Variants in SPNS3 observed in about 807,000 individuals in gnomAD.
The protein encoded by SPNS3 is SPNS lysolipid transporter 3, sphingosine-1-phosphate (putative).
In SPNS3, 51 loss-of-function variants were observed where a neutral mutation model predicts 54.4. The ratio of observed to expected loss-of-function variants is 0.94; its 90% CI spans 0.75 to 1.18. The LOEUF is 1.18. Ranked by LOEUF, SPNS3 falls within the 50% of genes most tolerant of loss-of-function variation. The pLI, the probability that SPNS3 is intolerant of heterozygous loss-of-function variation, is 0.00. For synonymous variants in SPNS3, 309 were observed against 294.7 expected (o/e 1.05, Z -0.50); for missense variants, 669 against 677.4 (o/e 0.99, Z 0.14).
intron 8 of SPNS3, among the ~76,000 whole-genome samples, chr17:4,474,716 G>A (rs1383572644): frequency 6.6e-6 from 1 of 152,194 alleles, no homozygotes. Flanking sequence ...GTGTATGTGT[G>A]TGTGTGTGAG....
chr17:4,477,531 T>C (rs1567574571), intron 8 of SPNS3, among the ~76,000 whole-genome samples: 1 of 152,186 alleles, frequency 6.6e-6, no homozygotes, highest in Non-Finnish European at 1.5e-5. Flanking sequence ...AAACTCTTCT[T>C]GAGTGAGGGG....
chr17:4,455,036 C>G (rs563876739), intron 8 of SPNS3, among the ~76,000 whole-genome samples: 2 of 152,204 alleles, frequency 1.3e-5, no homozygotes, highest in African/African-American at 4.8e-5. Context: ...GCCTTAGCCT[C>G]CCAAGTAGCT....
At chr17:4,446,833 T>G in intron 4 of SPNS3, 63 bp from the exon 5 acceptor site, 2 of 1,494,292 alleles carry the variant, frequency 1.3e-6, no homozygotes, top group Non-Finnish European at 1.9e-6. Context: ...GTCAGGCTGG[T>G]GGTGGGGTCT....
At chr17:4,476,723 C>T (rs1386970402) in intron 8 of SPNS3, among the ~76,000 whole-genome samples, 1 of 152,136 alleles carries the variant, frequency 6.6e-6, no homozygotes, top group Non-Finnish European at 1.5e-5. Flanking sequence ...GGCCCCATGT[C>T]CTAGGCCTGA....
chr17:4,460,228 G>A (rs1971459582), intron 8 of SPNS3, among the ~76,000 whole-genome samples: 1 of 152,102 alleles, frequency 6.6e-6, no homozygotes, highest in Admixed American at 6.6e-5. Flanking sequence ...TGTGGGCATT[G>A]GGTGAGATGG....
intron 4 of SPNS3, 45 bp from the exon 5 acceptor site, chr17:4,446,851 G>C: frequency 6.3e-7 from 1 of 1,587,772 alleles, no homozygotes; most frequent in Non-Finnish European, 8.6e-7. Flanking sequence ...TCTGCCTTCC[G>C]CCTCCCTCCC....
At chr17:4,443,418 G>C (rs1296058019) in intron 2 of SPNS3, among the ~76,000 whole-genome samples, 2 of 152,192 alleles carry the variant, frequency 1.3e-5, no homozygotes, top group Admixed American at 1.3e-4. Context: ...GCATAAACAA[G>C]ATATGAAATA....
At chr17:4,474,195 C>T (rs1216067563) in intron 8 of SPNS3, among the ~76,000 whole-genome samples, 1 of 152,242 alleles carries the variant, frequency 6.6e-6, no homozygotes, top group Non-Finnish European at 1.5e-5. Flanking sequence ...TGCCTCAGTC[C>T]CCACCTGCCT....
intron 7 of SPNS3, 31 bp from the exon 8 acceptor site, chr17:4,452,985 T>C: frequency 6.3e-7 from 1 of 1,599,430 alleles, no homozygotes; most frequent in East Asian, 2.2e-5. Context: ...CTCACCCAGC[T>C]GACCAACCCT....
At position 4,449,335 on chromosome 17, in the gene SPNS3, G is replaced by A. The variant is rs754598517; in HGVS notation, c.871G>A (p.Val291Ile). The change falls in exon 7 of 12, where the codon GTT (valine) becomes ATT (isoleucine). Residue 291 changes from valine (V) to isoleucine (I), a missense_variant. By Grantham distance (29) the Val-to-Ile change is conservative. Coordinates refer to ENST00000355530, the MANE Select transcript of SPNS3 (RefSeq NM_182538.5). ...CAAGTTTCTGCTCGAGGCACGCGTG[G>A]TTCACGGGCTGCAGCCTCCCTGCTT... is the stretch of plus-strand genomic sequence containing the variant. ...APKFLLEARV[V>I]HGLQPPCFQE... 34 of 1,610,862 alleles carry A rather than the reference G, an allele frequency of 2.1e-5. No homozygotes were observed. Among genetic ancestry groups the A allele is most frequent in the South Asian group, 1.5e-4 (14 of 90,986 alleles).
At chr17:4,481,737 A>C (rs1972155059) in intron 9 of SPNS3, among the ~76,000 whole-genome samples, 1 of 152,146 alleles carries the variant, frequency 6.6e-6, no homozygotes, top group Non-Finnish European at 1.5e-5. Flanking sequence ...TCACCTGTCC[A>C]GTAGGTAGAG....
chr17:4,443,648 A>G (rs2075336969), intron 2 of SPNS3, among the ~76,000 whole-genome samples: 1 of 152,246 alleles, frequency 6.6e-6, no homozygotes. Context: ...ACGAAGAGTT[A>G]AGGAATCTAC....
chr17:4,468,721 T>TTTTTTTCTTTCTTTC (rs1555531862), intron 8 of SPNS3, among the ~76,000 whole-genome samples: 1 of 121,372 alleles, frequency 8.2e-6, no homozygotes, highest in Non-Finnish European at 1.7e-5. Flanking sequence ...TCTCTCTTTC[T>TTTTTTTCTTTCTTTC]TTTCTTTCTT....
At chr17:4,476,661 G>A (rs1597339938) in intron 8 of SPNS3, among the ~76,000 whole-genome samples, 1 of 152,110 alleles carries the variant, frequency 6.6e-6, no homozygotes, top group Non-Finnish European at 1.5e-5. Flanking sequence ...CCCGGGCCCC[G>A]CCTGAGACCT....
rs1476553946 is a variant in SPNS3, at chr17:4,474,236, C to T, written c.1114-4336C>T. Among the ~76,000 whole-genome samples the T allele has an allele frequency of 2.6e-5, 4 of 152,356 alleles. No homozygotes were observed. In the Middle Eastern group the frequency reaches 0.01, roughly 389 times the overall value. On this transcript the variant is annotated intron_variant, in intron 8 of 11. Transcript: ENST00000355530. ...CTGGCTTGTTGGGCTGCTGCCGGCC[C>T]CTGGAAACCAGGCGGTGCCCTCGTG...
chr17:4,434,586 TC>T (rs1245067605), intron 1 of SPNS3, among the ~76,000 whole-genome samples: 1 of 151,954 alleles, frequency 6.6e-6, no homozygotes, highest in East Asian at 1.9e-4. Context: ...AACCTCTGTC[TC>T]CCAGGTTCAA....
chr17:4,486,954 A>T lies in SPNS3; in HGVS notation c.1450+371A>T, dbSNP rs1032910750. ...TTGGGGAGGCCAAGGCGGGCGGATT[A>T]CAAGGTTAGGAGTTCAAGACCAGCC... is the stretch of plus-strand genomic sequence containing the variant. On this transcript the variant is annotated intron_variant, in intron 11 of 11. Transcript: ENST00000355530. The surrounding 1 kb of genome is among the most constrained non-coding windows in gnomAD (Gnocchi z 5.5). 2.0e-5 allele frequency among the ~76,000 whole-genome samples: 3 copies of T among 152,034 alleles called. No homozygotes were observed. Among genetic ancestry groups the T allele is most frequent in the Non-Finnish European group, 4.4e-5 (3 of 67,996 alleles).
chr17:4,449,209 T>C (rs762206590), intron 6 of SPNS3, 26 bp from the exon 7 acceptor site: 1 of 1,606,176 alleles, frequency 6.2e-7, no homozygotes, highest in Admixed American at 1.7e-5. Flanking sequence ...CTCTCCCAAC[T>C]CCAGCTGGGG....
At position 4,449,390 on chromosome 17, in the gene SPNS3, G is replaced by A; in HGVS notation, c.923+3G>A. Reference sequence around the variant, plus strand: ...GAGCCGTGCAGCAACCCCGACAGGTGAGGGCATCCGGGGGCCCTGGGCACC... The same window carrying A: ...GAGCCGTGCAGCAACCCCGACAGGTAAGGGCATCCGGGGGCCCTGGGCACC... On this transcript the variant is annotated splice_donor_region_variant and intron_variant, in intron 7 of 11. Transcript: ENST00000355530. 6.3e-7 allele frequency: 1 copy of A among 1,582,478 alleles called. No individual in the cohort carries two copies. The highest frequency in any genetic ancestry group is 8.5e-7 in the Non-Finnish European group (1 of 1,171,352).
Sources: gnomAD v4.1 joint callset for allele counts (sites outside exome capture counted in the v4.1 genomes callset) on GRCh38, gnomAD v4.1.1 for gene constraint, Gnocchi (gnomAD v3.1) non-coding constraint, MANE v1.5 for transcripts, NCBI Gene and HGNC (gene_info 2026-07-23, HGNC 2026-07-21) for gene names.